ADAM12: variants seen among roughly 807,000 people sequenced by gnomAD.
ADAM12 encodes the protein disintegrin and metalloproteinase domain-containing protein 12.
A neutral mutation model predicts 106.4 loss-of-function variants in ADAM12; 70 were observed. The observed-to-expected ratio is 0.66, with a 90% CI of 0.54 to 0.80. The LOEUF (loss-of-function observed/expected upper bound fraction) is 0.80. Among genes scored for constraint, ADAM12 ranks in the 30% least tolerant of loss-of-function variants. The probability of loss-of-function intolerance (pLI) is 0.00; values close to 1 mark genes in which losing one functional copy is unlikely to be tolerated. For missense variants in ADAM12, 1,010 were observed against 1,171.9 expected, an observed-to-expected ratio of 0.86 and a Z score of 2.02; for synonymous variants, 420 against 433.5, an observed-to-expected ratio of 0.97 and a Z score of 0.39.
At chr10:126,209,888 T>C (rs1443855333) in intron 3 of ADAM12, among the ~76,000 whole-genome samples, 1 of 152,234 alleles carries the variant, frequency 6.6e-6, no homozygotes, top group African/African-American at 2.4e-5. Flanking sequence ...AAGCTCAAGA[T>C]ACAGCTGATT....
intron 11 of ADAM12, among the ~76,000 whole-genome samples, chr10:126,085,374 G>A (rs149199163): frequency 5.3e-4 from 80 of 152,290 alleles, no homozygotes; most frequent in African/African-American, 1.7e-3. Flanking sequence ...GCCTCAGAGC[G>A]TTCTCCCCAG....
rs755219147 is a variant in ADAM12 at position 126,043,049 on chromosome 10, G to A, written c.2095C>T (p.Arg699Trp). Residue 699 changes from arginine (R) to tryptophan (W), a missense_variant, in exon 18 of 23, where the codon CGG (arginine) becomes TGG (tryptophan). Coordinates refer to ENST00000448723, the MANE Select transcript of ADAM12 (RefSeq NM_001288973.2). The surrounding 1 kb of genome is among the most constrained non-coding windows in gnomAD (Gnocchi z 4.1). ...CAGGGGCTTCACTGACCTGCTTGCCGGATGGGGCCGCTGTCTGTGCTTCCT... is the reference window on the plus strand; with the variant it reads ...CAGGGGCTTCACTGACCTGCTTGCCAGATGGGGCCGCTGTCTGTGCTTCCT... The part of the protein sequence containing the change: ...FGGSTDSGPI[R>W]QADNQGLTIG... 44 of 1,613,970 alleles carry A rather than the reference G, an allele frequency of 2.7e-5. No homozygotes were observed. Among genetic ancestry groups the A allele is most frequent in the Middle Eastern group, 3.3e-4 (2 of 6,082 alleles).
chr10:126,261,446 G>T (rs557507928), intron 3 of ADAM12, among the ~76,000 whole-genome samples: 1 of 152,340 alleles, frequency 6.6e-6, no homozygotes, highest in South Asian at 2.1e-4. Context: ...AGGAAGAGCA[G>T]TATATTATCT....
At chr10:126,326,870 C>G (rs145408420) in intron 2 of ADAM12, among the ~76,000 whole-genome samples, 7 of 152,322 alleles carry the variant, frequency 4.6e-5, no homozygotes, top group Admixed American at 3.3e-4. Flanking sequence ...GATGTCACCT[C>G]CACAGAGAGG....
intron 1 of ADAM12, among the ~76,000 whole-genome samples, chr10:126,331,990 G>T (rs1854529539): frequency 6.6e-6 from 1 of 152,156 alleles, no homozygotes; most frequent in African/African-American, 2.4e-5. Flanking sequence ...GAGTAAGTGT[G>T]TCTCCCTCCT....
intron 1 of ADAM12, among the ~76,000 whole-genome samples, chr10:126,361,602 G>A (rs1855747129): frequency 6.6e-6 from 1 of 152,064 alleles, no homozygotes; most frequent in Non-Finnish European, 1.5e-5. Context: ...TCAACCAATG[G>A]AATAGAACAG....
At chr10:126,127,345 C>T (rs2133652585) in intron 5 of ADAM12, among the ~76,000 whole-genome samples, 1 of 152,352 alleles carries the variant, frequency 6.6e-6, no homozygotes. Flanking sequence ...TGCCAATTTC[C>T]TCCTTCATAT....
At chr10:126,077,865 C>T (rs1955133225) in intron 11 of ADAM12, among the ~76,000 whole-genome samples, 1 of 152,156 alleles carries the variant, frequency 6.6e-6, no homozygotes, top group Admixed American at 6.5e-5. Context: ...TGCTCCTCAT[C>T]TCCCTTTTGC....
chr10:126,144,747 G>T (rs1308404991), intron 4 of ADAM12, among the ~76,000 whole-genome samples: 4 of 152,166 alleles, frequency 2.6e-5, no homozygotes, highest in African/African-American at 9.7e-5. Flanking sequence ...ATCTACAAGG[G>T]ATTTCAGAAG....
Position 126,064,821 on chromosome 10 carries a change from T to A in ADAM12, c.1594A>T (p.Thr532Ser), listed in dbSNP as rs1954832411. 1 of 1,607,844 alleles carries A rather than the reference T, an allele frequency of 6.2e-7. No individual in the cohort carries two copies. Among genetic ancestry groups the A allele is most frequent in the Non-Finnish European group, 8.5e-7 (1 of 1,177,472 alleles). ...GGCCACGTACCTGGTCCCCAGAGCG[T>A]GACACACTGCTGCTCGTGAGTCTGG... ...ICQTHEQQCV[T>S]LWGPGAKPAP... is the part of the protein sequence containing the mutation. The change falls in exon 14 of 23, where the codon ACG (threonine) becomes TCG (serine). Residue 532 changes from threonine (T) to serine (S), a missense_variant. Thr to Ser is a moderately conservative substitution (Grantham distance 58, BLOSUM62 1). Transcript: ENST00000448723. The surrounding 1 kb of genome is among the most constrained non-coding windows in gnomAD (Gnocchi z 4.4).
intron 3 of ADAM12, among the ~76,000 whole-genome samples, chr10:126,201,157 G>A (rs989973214): frequency 3.9e-5 from 6 of 152,316 alleles, no homozygotes; most frequent in Admixed American, 6.5e-5. Context: ...GATGTGTGCC[G>A]TGGGTTGAAC....
At chr10:126,269,352 A>G (rs7910570) in intron 3 of ADAM12, among the ~76,000 whole-genome samples, 34,881 of 152,138 alleles carry the variant, frequency 0.23, 4,211 homozygotes, top group South Asian at 0.33. Flanking sequence ...CATTTTACCC[A>G]GCTCCTATTC....
intron 3 of ADAM12, among the ~76,000 whole-genome samples, chr10:126,213,017 T>C (rs931945967): frequency 2.0e-5 from 3 of 152,170 alleles, no homozygotes; most frequent in African/African-American, 7.2e-5. Flanking sequence ...CTTTAGTAAG[T>C]GCACCCCCAC....
At chr10:126,108,238 G>T (rs892202161) in intron 8 of ADAM12, among the ~76,000 whole-genome samples, 15 of 152,172 alleles carry the variant, frequency 9.9e-5, no homozygotes, top group Admixed American at 9.8e-4. Flanking sequence ...TCCGTCATCG[G>T]GAGACCTGGG....
At chr10:126,089,705 C>T (rs1243572647) in intron 11 of ADAM12, among the ~76,000 whole-genome samples, 1 of 152,142 alleles carries the variant, frequency 6.6e-6, no homozygotes, top group Non-Finnish European at 1.5e-5. Flanking sequence ...CCCAGCATCA[C>T]TTCCCTCCAG....
At chr10:126,197,485 A>G (rs1957618497) in intron 3 of ADAM12, among the ~76,000 whole-genome samples, 1 of 152,202 alleles carries the variant, frequency 6.6e-6, no homozygotes, top group African/African-American at 2.4e-5. Context: ...GGGAGAGGAC[A>G]GTCGTGTGCT....
chr10:126,248,263 G>A (rs796838179), intron 3 of ADAM12, among the ~76,000 whole-genome samples: 15 of 152,276 alleles, frequency 9.9e-5, no homozygotes, highest in African/African-American at 3.4e-4. Flanking sequence ...CTAGGTACTC[G>A]GAATGAACAA....
intron 1 of ADAM12, among the ~76,000 whole-genome samples, chr10:126,357,802 C>T (rs149979018): frequency 0.01 from 1,550 of 152,224 alleles, 39 homozygotes; most frequent in African/African-American, 0.036. Context: ...TCAATTACCT[C>T]CCACCAGGTC....
intron 21 of ADAM12, among the ~76,000 whole-genome samples, chr10:126,035,926 A>G (rs1954051348): frequency 6.6e-6 from 1 of 151,642 alleles, no homozygotes; most frequent in East Asian, 2.0e-4. Flanking sequence ...TTAAAAAATT[A>G]TAACTAGTAA....
Sources: allele counts gnomAD v4.1 joint callset (sites outside exome capture counted in the v4.1 genomes callset), GRCh38; gene constraint gnomAD v4.1.1; non-coding constraint Gnocchi (gnomAD v3.1); transcripts MANE v1.5; gene names NCBI Gene and HGNC (gene_info 2026-07-23, HGNC 2026-07-21).